Variants in ECD observed in about 807,000 individuals in gnomAD.
ECD encodes the protein protein ecdysoneless homolog.
In ECD, 59 loss-of-function variants were observed where a neutral mutation model predicts 77.2. That is an observed-to-expected ratio of 0.76 (90% CI 0.62 to 0.95). The LOEUF is 0.95. ECD is among the 40% of genes least tolerant of loss of function. The pLI is 0.00. For missense variants in ECD, 704 were observed against 763.4 expected (o/e 0.92, Z 0.92); for synonymous variants, 233 against 267.4 (o/e 0.87, Z 1.26).
chr10:73,163,845 A>G lies in ECD; in HGVS notation c.93T>C (p.His31=). Residue 31 remains histidine, a synonymous_variant, in exon 2 of 14, where the codon CAT becomes CAC. Transcript: ENST00000372979. ...CAATGTACTTCTGAAGAATCTCTTT[A>G]TGTTTATCTGAGTCCCTTGACTCAT... The part of the protein sequence containing the change: ...IPDESRDSDK[H]KEILQKYIER... 6.2e-7 allele frequency: 1 copy of G among 1,614,182 alleles called. No individual in the cohort carries two copies. The highest frequency in any genetic ancestry group is 1.3e-5 in the African/African-American group (1 of 75,042).
intron 2 of ECD, among the ~76,000 whole-genome samples, chr10:73,160,758 C>T (rs1431194933): frequency 6.6e-6 from 1 of 152,154 alleles, no homozygotes; most frequent in Non-Finnish European, 1.5e-5. Context: ...AGATAATGAA[C>T]TCTAGAACAG....
intron 7 of ECD, among the ~76,000 whole-genome samples, chr10:73,151,914 T>C (rs926439684): frequency 6.6e-6 from 1 of 152,210 alleles, no homozygotes; most frequent in Non-Finnish European, 1.5e-5. Flanking sequence ...TTTTGCATAA[T>C]CAAATTCATC....
chr10:73,155,291 C>A (rs1843280912), intron 5 of ECD, among the ~76,000 whole-genome samples: 1 of 152,056 alleles, frequency 6.6e-6, no homozygotes, highest in Admixed American at 6.5e-5. Context: ...TGGTCTCGAT[C>A]TCTTGACCTT....
chr10:73,150,446 T>C (rs1736119637), intron 7 of ECD, among the ~76,000 whole-genome samples: 1 of 152,172 alleles, frequency 6.6e-6, no homozygotes, highest in Non-Finnish European at 1.5e-5. Context: ...GGCAGTACCA[T>C]TCAGGACATA....
rs373086705 is a variant in ECD at position 73,146,309 on chromosome 10, T to C, written c.1094A>G (p.Asn365Ser). The change falls in exon 9 of 14, where the codon AAT becomes AGT. Residue 365 changes from asparagine (N) to serine (S), a missense_variant. This residue lies in a region of ECD where 559 missense variants were observed against 583.7 expected (regional missense o/e 0.96). Transcript: ENST00000372979. ...QYRERLEMAE[N>S]YFQLSVDWPE... is the part of the protein sequence containing the mutation. ...CCAGTCTACTGAGAGCTGGAAGTAA[T>C]TCTCTGCCATTTCTAGCCTTTCCCG... 2.0e-5 allele frequency: 33 copies of C among 1,610,786 alleles called. No individual in the cohort carries two copies. Among genetic ancestry groups the C allele is most frequent in the Non-Finnish European group, 2.8e-5 (33 of 1,177,938 alleles).
At chr10:73,150,600 G>C (rs571688633) in intron 7 of ECD, among the ~76,000 whole-genome samples, 1 of 152,162 alleles carries the variant, frequency 6.6e-6, no homozygotes, top group East Asian at 1.9e-4. Context: ...CTACAGAATG[G>C]GAGAAAATTT....
intron 8 of ECD, among the ~76,000 whole-genome samples, chr10:73,147,734 A>G (rs1843147907): frequency 6.6e-6 from 1 of 152,116 alleles, no homozygotes; most frequent in African/African-American, 2.4e-5. Context: ...GACACTACCA[A>G]ATTACTTTCC....
chr10:73,150,553 A>G (rs1370425142), intron 7 of ECD, among the ~76,000 whole-genome samples: 1 of 152,268 alleles, frequency 6.6e-6, no homozygotes, highest in African/African-American at 2.4e-5. Flanking sequence ...GAGCTTCTGC[A>G]CAGCAAAAGA....
At chr10:73,158,170 AG>A (rs1843325276) in intron 3 of ECD, among the ~76,000 whole-genome samples, 1 of 151,832 alleles carries the variant, frequency 6.6e-6, no homozygotes, top group Non-Finnish European at 1.5e-5. Context: ...CATGTTGGCC[AG>A]GCTCGTCTCG....
intron 9 of ECD, among the ~76,000 whole-genome samples, chr10:73,145,090 G>A (rs772313892): frequency 3.3e-5 from 5 of 152,144 alleles, no homozygotes; most frequent in Non-Finnish European, 7.3e-5. Flanking sequence ...ATGGCTGGGT[G>A]CATTGGCTCA....
Position 73,158,867 on chromosome 10 carries a change from G to A in ECD, c.323+1567C>T, listed in dbSNP as rs137982710. On this transcript the variant is annotated intron_variant, in intron 3 of 13. Coordinates refer to ENST00000372979, the MANE Select transcript of ECD (RefSeq NM_007265.3). ...CGCCTGGGCAAAATAGTAAGACCCC[G>A]TCTTTAAAAAACTAAATAAATAATA... Among the ~76,000 whole-genome samples the A allele has an allele frequency of 1.9e-3, 284 of 152,026 alleles. 1 individual carries two copies. Among genetic ancestry groups the A allele is most frequent in the Middle Eastern group, 3.4e-3 (1 of 294 alleles).
At chr10:73,159,381 G>T (rs1843344545) in intron 3 of ECD, among the ~76,000 whole-genome samples, 1 of 152,092 alleles carries the variant, frequency 6.6e-6, no homozygotes, top group Admixed American at 6.6e-5. Context: ...ATATAGCTAT[G>T]GTCTAGTACA....
At position 73,159,603 on chromosome 10, in the gene ECD, T is replaced by C. The variant is rs115538465; in HGVS notation, c.323+831A>G. On this transcript the variant is annotated intron_variant, in intron 3 of 13. Coordinates refer to ENST00000372979, the MANE Select transcript of ECD (RefSeq NM_007265.3). Reference sequence around the variant, plus strand: ...AAACCTAAAATAAGTAGGTTTTATTTGAAATCTTTTGGAAGTTGAACTCTT... The same window carrying C: ...AAACCTAAAATAAGTAGGTTTTATTCGAAATCTTTTGGAAGTTGAACTCTT... Among the ~76,000 whole-genome samples, 269 of 152,140 alleles carry C rather than the reference T, an allele frequency of 1.8e-3. 3 individuals are homozygous for C. The highest frequency in any genetic ancestry group is 6.1e-3 in the African/African-American group (254 of 41,526).
chr10:73,148,424 T>C lies in ECD; in HGVS notation c.913-20A>G, dbSNP rs773996348. On this transcript the variant is annotated intron_variant, in intron 7 of 13. Transcript: ENST00000372979. ...ATGAGCCTAGATGAGATAGGTAGAATTTTTGTTACTAAGTTCCTTTTTTCC... is the reference window on the plus strand; with the variant it reads ...ATGAGCCTAGATGAGATAGGTAGAACTTTTGTTACTAAGTTCCTTTTTTCC... 6.9e-6 allele frequency: 11 copies of C among 1,601,636 alleles called. No individual in the cohort carries two copies. In the Admixed American group the frequency reaches 1.9e-4, roughly 28 times the overall value.
At position 73,156,461 on chromosome 10, in the gene ECD, C is replaced by CGGTACA; in HGVS notation, c.412-14_412-9dup. ...CCCATGGCAGAAAAATACCTGCAAA[C>CGGTACA]GGTACATTTCAATTTTCACAGTGGG... is the stretch of plus-strand genomic sequence containing the variant. On this transcript the variant is annotated splice_polypyrimidine_tract_variant and intron_variant, in intron 4 of 13. Transcript: ENST00000372979. 1 of 1,607,904 alleles carries CGGTACA rather than the reference C, an allele frequency of 6.2e-7. No homozygotes were observed. Among genetic ancestry groups the CGGTACA allele is most frequent in the Non-Finnish European group, 8.5e-7 (1 of 1,176,850 alleles).
At chr10:73,154,187 GA>G (rs1324760945) in intron 6 of ECD, 68 bp downstream of exon 6, 87 of 1,456,826 alleles carry the variant, frequency 6.0e-5, no homozygotes, top group Non-Finnish European at 7.9e-5. Context: ...AATGTAAAAA[GA>G]AAAAAATAAT....
chr10:73,166,608 T>C (rs914058303), intron 1 of ECD, among the ~76,000 whole-genome samples: 1 of 152,252 alleles, frequency 6.6e-6, no homozygotes, highest in Non-Finnish European at 1.5e-5. Flanking sequence ...CATTTTTATG[T>C]CTTCTTTGAG....
intron 13 of ECD, among the ~76,000 whole-genome samples, 193 bp from the exon 14 acceptor site, chr10:73,135,006 T>G (rs975425452): frequency 6.6e-6 from 1 of 152,140 alleles, no homozygotes; most frequent in Admixed American, 6.5e-5. Context: ...TAAAACTTGG[T>G]TCTAAAGGTT....
At chr10:73,142,750 T>C (rs1214009066) in intron 9 of ECD, among the ~76,000 whole-genome samples, 1 of 152,304 alleles carries the variant, frequency 6.6e-6, no homozygotes, top group African/African-American at 2.4e-5. Context: ...TCAAGTATAC[T>C]TCGGCACTTT....
Sources: gnomAD v4.1 joint callset for allele counts (sites outside exome capture counted in the v4.1 genomes callset) on GRCh38, gnomAD v4.1.1 for gene constraint, gnomAD v4.1.1 regional missense constraint, MANE v1.5 for transcripts, NCBI Gene and HGNC (gene_info 2026-07-23, HGNC 2026-07-21) for gene names.